SLC9A9: variants seen among roughly 807,000 people sequenced by gnomAD.
SLC9A9 encodes the protein sodium/hydrogen exchanger 9.
SLC9A9 carries 62 observed loss-of-function variants against 77.8 expected under a neutral mutation model. The observed-to-expected ratio is 0.80, with a 90% CI of 0.65 to 0.98. The LOEUF (loss-of-function observed/expected upper bound fraction) is 0.98, where lower values mean the gene tolerates loss of function less well. Among genes scored for constraint, SLC9A9 ranks in the 50% least tolerant of loss-of-function variants. The pLI is 0.00. For missense variants in SLC9A9, 775 were observed against 774.9 expected, an observed-to-expected ratio of 1.00 and a Z score of 0.00; for synonymous variants, 320 against 283.5, an observed-to-expected ratio of 1.13 and a Z score of -1.29.
intron 11 of SLC9A9, among the ~76,000 whole-genome samples, chr3:143,468,136 T>C (rs976378548): frequency 6.6e-6 from 1 of 152,210 alleles, no homozygotes; most frequent in South Asian, 2.1e-4. Context: ...AAAATTTACA[T>C]ACAGATTATT....
At chr3:143,460,602 T>G (rs1425239185) in intron 12 of SLC9A9, among the ~76,000 whole-genome samples, 6 of 152,154 alleles carry the variant, frequency 3.9e-5, no homozygotes, top group Non-Finnish European at 8.8e-5. Flanking sequence ...GATACCGATA[T>G]TCTCAAGAGC....
chr3:143,328,158 C>T (rs921841958), intron 14 of SLC9A9, among the ~76,000 whole-genome samples: 2 of 152,150 alleles, frequency 1.3e-5, no homozygotes, highest in Non-Finnish European at 1.5e-5. Context: ...TCAAAACCCA[C>T]GGAATGCATA....
chr3:143,730,312 A>T (rs138857615), intron 4 of SLC9A9, among the ~76,000 whole-genome samples: 20 of 152,354 alleles, frequency 1.3e-4, no homozygotes, highest in African/African-American at 4.3e-4. Context: ...TCTCCTCCTT[A>T]CAGGATCTAA....
chr3:143,612,950 T>C (rs2038046086), intron 6 of SLC9A9, among the ~76,000 whole-genome samples: 2 of 152,172 alleles, frequency 1.3e-5, no homozygotes, highest in Non-Finnish European at 2.9e-5. Flanking sequence ...GAAAGATATA[T>C]ATTAAAAAAA....
intron 4 of SLC9A9, among the ~76,000 whole-genome samples, chr3:143,712,112 G>C (rs956101556): frequency 4.6e-5 from 7 of 152,158 alleles, no homozygotes; most frequent in African/African-American, 1.7e-4. Flanking sequence ...GTCCCCATTT[G>C]ATTTGAGTTG....
chr3:143,633,138 C>A (rs1218649369), intron 6 of SLC9A9, among the ~76,000 whole-genome samples: 2 of 152,202 alleles, frequency 1.3e-5, no homozygotes, highest in Non-Finnish European at 2.9e-5. Context: ...GACCTACCAA[C>A]AATAAACGGC....
intron 8 of SLC9A9, among the ~76,000 whole-genome samples, chr3:143,565,035 G>A (rs2108649523): frequency 6.6e-6 from 1 of 152,142 alleles, no homozygotes; most frequent in African/African-American, 2.4e-5. Context: ...CCATTTCCTT[G>A]GAGTCAGCTA....
At chr3:143,542,761 T>A (rs2036710088) in intron 9 of SLC9A9, among the ~76,000 whole-genome samples, 1 of 152,228 alleles carries the variant, frequency 6.6e-6, no homozygotes, top group Admixed American at 6.5e-5. Context: ...ATGTTAATGG[T>A]CATAATTCAT....
intron 12 of SLC9A9, among the ~76,000 whole-genome samples, chr3:143,402,726 T>G (rs533107975): frequency 6.6e-5 from 10 of 151,656 alleles, no homozygotes; most frequent in Non-Finnish European, 1.3e-4. Flanking sequence ...CCCTTTCCCT[T>G]CAGGATATTT....
At chr3:143,425,408 T>A (rs932210661) in intron 12 of SLC9A9, among the ~76,000 whole-genome samples, 1 of 152,056 alleles carries the variant, frequency 6.6e-6, no homozygotes, top group African/African-American at 2.4e-5. Flanking sequence ...TATGTATGGT[T>A]TATTATAAAG....
chr3:143,273,551 A>T (rs1011814086), intron 14 of SLC9A9, among the ~76,000 whole-genome samples: 12 of 152,128 alleles, frequency 7.9e-5, no homozygotes, highest in Admixed American at 7.9e-4. Flanking sequence ...CAGCCTCCAA[A>T]ACTGAGAAAA....
rs112580816 is a variant in SLC9A9, at chr3:143,277,459, G to A, written c.1605-8479C>T. ...GGTATCTGGTCTCTTGAAAGGCTCT[G>A]AGTTGGGAAGTGTTGCATCTATGAA... On this transcript the variant is annotated intron_variant, in intron 14 of 15. Transcript: ENST00000316549. Among the ~76,000 whole-genome samples the A allele has an allele frequency of 3.1e-3, 478 of 152,310 alleles. 5 individuals are homozygous for A. The highest frequency in any genetic ancestry group is 0.011 in the African/African-American group (460 of 41,562).
At chr3:143,367,235 C>A (rs181260411) in intron 13 of SLC9A9, among the ~76,000 whole-genome samples, 1 of 152,202 alleles carries the variant, frequency 6.6e-6, no homozygotes, top group Non-Finnish European at 1.5e-5. Context: ...TTAACACATG[C>A]AATCTCTTTC....
chr3:143,552,954 G>A (rs1291275350), intron 8 of SLC9A9, among the ~76,000 whole-genome samples: 1 of 152,132 alleles, frequency 6.6e-6, no homozygotes, highest in Non-Finnish European at 1.5e-5. Context: ...ATCCACAAGG[G>A]TTTTGCTGCC....
At chr3:143,621,778 G>A (rs918936208) in intron 6 of SLC9A9, among the ~76,000 whole-genome samples, 7 of 152,192 alleles carry the variant, frequency 4.6e-5, no homozygotes, top group Non-Finnish European at 7.3e-5. Context: ...TGACTTTGAC[G>A]AGTTGAGAGA....
chr3:143,489,679 T>A (rs947343269), intron 11 of SLC9A9, among the ~76,000 whole-genome samples: 5 of 152,094 alleles, frequency 3.3e-5, no homozygotes, highest in East Asian at 1.9e-4. Flanking sequence ...CAAATTAAAT[T>A]TCTTGAAAAA....
At chr3:143,582,166 C>A (rs2037466783) in intron 6 of SLC9A9, among the ~76,000 whole-genome samples, 2 of 152,138 alleles carry the variant, frequency 1.3e-5, no homozygotes, top group African/African-American at 4.8e-5. Flanking sequence ...TTATGGGTAT[C>A]AATCTAATCT....
chr3:143,334,740 CAG>C (rs1490895833), intron 14 of SLC9A9, among the ~76,000 whole-genome samples: 1 of 152,098 alleles, frequency 6.6e-6, no homozygotes, highest in Non-Finnish European at 1.5e-5. Flanking sequence ...CTGAGGAAAA[CAG>C]AGCATTACAA....
In SLC9A9 at chr3:143,292,317, T is replaced by A. The variant is rs116791211; in HGVS notation, c.1605-23337A>T. On this transcript the variant is annotated intron_variant, in intron 14 of 15. Coordinates refer to ENST00000316549, the MANE Select transcript of SLC9A9 (RefSeq NM_173653.4). ...TGGCATGAAATGAATTATGAAACAC[T>A]TTTGGTTTTCAGGACTGTTTGGATT... 4.6e-3 allele frequency among the ~76,000 whole-genome samples: 702 copies of A among 152,330 alleles called. 5 individuals are homozygous for A. The highest frequency in any genetic ancestry group is 0.016 in the African/African-American group (649 of 41,580).
Sources: gnomAD v4.1 joint callset for allele counts (sites outside exome capture counted in the v4.1 genomes callset) on GRCh38, gnomAD v4.1.1 for gene constraint, MANE v1.5 for transcripts, NCBI Gene and HGNC (gene_info 2026-07-23, HGNC 2026-07-21) for gene names.